BRCA1: variants seen among roughly 807,000 people sequenced by gnomAD.
The protein encoded by BRCA1 is breast cancer type 1 susceptibility protein.
Under a neutral mutation model 173.7 loss-of-function variants are expected in BRCA1, and 140 were observed. The ratio of observed to expected loss-of-function variants is 0.81; its 90% confidence interval spans 0.70 to 0.93. The LOEUF is 0.93. BRCA1 is among the 40% of genes least tolerant of loss of function. The pLI is 0.00. For synonymous variants in BRCA1, 662 were observed against 756.0 expected (o/e 0.88, Z 2.04); for missense variants, 1,983 against 2,172.5 (o/e 0.91, Z 1.73).
chr17:43,157,921 A>G (rs1280405425), intron 1 of BRCA1, among the ~76,000 whole-genome samples: 1 of 151,378 alleles, frequency 6.6e-6, no homozygotes, highest in Non-Finnish European at 1.5e-5. Context: ...ACTTGAACCC[A>G]AGAGGTGGAG....
upstream of BRCA1, among the ~76,000 whole-genome samples, chr17:43,127,297 C>T (rs1411210741): frequency 6.6e-6 from 1 of 152,226 alleles, no homozygotes; most frequent in Non-Finnish European, 1.5e-5. Context: ...TTATGTCTAG[C>T]CTGAGGATTT....
intron 2 of BRCA1, among the ~76,000 whole-genome samples, chr17:43,123,417 A>G (rs1249459357): frequency 7.9e-6 from 1 of 126,398 alleles, no homozygotes; most frequent in Non-Finnish European, 1.5e-5. Context: ...GTGGTGCCAT[A>G]TTGGCTCACA....
chr17:43,091,157 C>T (rs2053454650), intron 10 of BRCA1, 125 bp from the exon 11 acceptor site: 1 of 1,055,076 alleles, frequency 9.5e-7, no homozygotes. Context: ...GATTAAATTC[C>T]TTGCTTTGGG....
chr17:43,138,848 C>T (rs1187848500), intron 1 of BRCA1: 1 of 778,874 alleles, frequency 1.3e-6, no homozygotes, highest in Non-Finnish European at 2.4e-6. Flanking sequence ...AGCCTGGGGA[C>T]CGTGGGGCTG....
In BRCA1 at chr17:43,144,995, A is replaced by G. The variant is rs1379825712; in HGVS notation, c.-19-20880T>C. Reference sequence around the variant, plus strand: ...GGTCAGCTCCACCGAAGGGGCTGCCATGGAAGAGCCCAAGAGGAGATCAGC... The same window carrying G: ...GGTCAGCTCCACCGAAGGGGCTGCCGTGGAAGAGCCCAAGAGGAGATCAGC... On this transcript the variant is annotated intron_variant, in intron 1 of 7. Transcript: ENST00000634433. The G allele has an allele frequency of 6.0e-6, 4 of 663,700 alleles. No individual in the cohort carries two copies. The East Asian group carries it at 1.4e-4, about 23-fold the overall frequency. The allele number at this position is 663,700 out of a possible 1,614,324, so 41.1% of individuals were successfully genotyped here. A position where few individuals can be genotyped will look rare whatever the true frequency, so the allele number is the denominator to read the frequency against.
At chr17:43,087,330 A>G (rs933876374) in intron 11 of BRCA1, among the ~76,000 whole-genome samples, 14 of 152,206 alleles carry the variant, frequency 9.2e-5, no homozygotes, top group Non-Finnish European at 1.6e-4. Flanking sequence ...GGAAAGATAG[A>G]ATCCCATATA....
chr17:43,088,771 C>T (rs1006554072), intron 11 of BRCA1, among the ~76,000 whole-genome samples: 7 of 152,106 alleles, frequency 4.6e-5, no homozygotes, highest in Admixed American at 3.3e-4. Flanking sequence ...AATGTGCCTA[C>T]GGCAGGTCAG....
At chr17:43,067,346 C>A (rs1209967885) in intron 16 of BRCA1, 1 of 369,366 alleles carries the variant, frequency 2.7e-6, no homozygotes, top group African/African-American at 2.1e-5. Context: ...CCTCCATCTC[C>A]CCGGTTCAAG....
At position 43,092,777 on chromosome 17, in the gene BRCA1, C is replaced by T. The variant is rs398122668; in HGVS notation, c.2754G>A (p.Lys918=). ...CAGTGATATTAACTGTCTGTACAGGCTTGATATTAGACTCATTCTTTCCTT... is the reference window on the plus strand; with the variant it reads ...CAGTGATATTAACTGTCTGTACAGGTTTGATATTAGACTCATTCTTTCCTT... ...ENQGKNESNI[K]PVQTVNITAG... The change falls in exon 10 of 23, where the codon AAG becomes AAA. Residue 918 remains lysine, a synonymous_variant. Transcript: ENST00000357654. The T allele has an allele frequency of 6.2e-7, 1 of 1,614,028 alleles. No homozygotes were observed. Among genetic ancestry groups the T allele is most frequent in the Non-Finnish European group, 8.5e-7 (1 of 1,179,974 alleles).
intron 9 of BRCA1, 31 bp downstream of exon 9, chr17:43,095,815 T>C: frequency 6.4e-7 from 1 of 1,559,036 alleles, no homozygotes; most frequent in Non-Finnish European, 8.8e-7. Flanking sequence ...CTCTTTTCAG[T>C]GCCTGTTAAG....
At chr17:43,116,571 T>A (rs2055304661) in intron 2 of BRCA1, among the ~76,000 whole-genome samples, 1 of 152,232 alleles carries the variant, frequency 6.6e-6, no homozygotes, top group Admixed American at 6.5e-5. Context: ...CAGACTGGCA[T>A]GCAATGGTGC....
intron 1 of BRCA1, chr17:43,144,991 T>C (rs1330183619): frequency 1.5e-6 from 1 of 658,474 alleles, no homozygotes; most frequent in African/African-American, 1.8e-5. Context: ...CCGAAGGGGC[T>C]GCCATGGAAG....
rs56209245 is a variant in BRCA1, at chr17:43,124,195, ATAAAG to A, written c.-19-85_-19-81del. On this transcript the variant is annotated intron_variant, in intron 1 of 22. Coordinates refer to ENST00000357654, the MANE Select transcript of BRCA1 (RefSeq NM_007294.4). ...GACAACTTCATTTTATCATTTTAAA[ATAAAG>A]TAAATTTAAGATTTGGAAGGTTTTA... The A allele has an allele frequency of 1.0e-3, 893 of 862,800 alleles. 7 individuals are homozygous for A. The African/African-American group carries it at 0.014, about 13-fold the overall frequency. 53.4% of individuals were successfully genotyped at this position (862,800 alleles called of 1,614,324 possible).
Position 43,082,290 on chromosome 17 carries a change from TG to T in BRCA1, c.4357+113del. On this transcript the variant is annotated intron_variant, in intron 12 of 22. Coordinates refer to ENST00000357654, the MANE Select transcript of BRCA1 (RefSeq NM_007294.4). ...AGAACCAAGGCTCCATAATTACCCA[TG>T]TGCTGAGCAAGGATCATAAAATGTT... 3 of 1,163,842 alleles carry T rather than the reference TG, an allele frequency of 2.6e-6. No individual in the cohort carries two copies. The South Asian group carries it at 4.3e-5, about 17-fold the overall frequency. 72.1% of individuals were successfully genotyped at this position (1,163,842 alleles called of 1,614,324 possible).
intron 7 of BRCA1, among the ~76,000 whole-genome samples, chr17:43,099,075 G>A (rs1367484710): frequency 2.7e-5 from 4 of 149,826 alleles, no homozygotes; most frequent in East Asian, 4.0e-4. Flanking sequence ...CGCCCACCTC[G>A]GCCTCCCAAA....
At chr17:43,049,272 G>A (rs2051104743) in intron 20 of BRCA1, 78 bp from the exon 21 acceptor site, 1 of 1,309,090 alleles carries the variant, frequency 7.6e-7, no homozygotes, top group Non-Finnish European at 1.1e-6. Flanking sequence ...ACACTCTCCG[G>A]ATGAAGGCTT....
intron 1 of BRCA1, chr17:43,160,042 A>AT (rs1288122295): frequency 3.0e-3 from 419 of 137,668 alleles, no homozygotes; most frequent in African/African-American, 5.8e-3. Flanking sequence ...ACCATCCATG[A>AT]TTTTTTTTTT....
rs62625306 is a variant in BRCA1 at position 43,093,142 on chromosome 17, C to A, written c.2389G>T (p.Glu797Ter). ...EVSTLGKAKT[E>*]PNKCVSQCAA... is the part of the protein sequence containing the mutation. The stretch of plus-strand genomic sequence containing the variant: ...CACTGACTCACACATTTATTTGGTT[C>A]TGTTTTTGCCTTCCCTAGAGTGCTA... The change falls in exon 10 of 23, where the codon GAA becomes TAA. Residue 797 changes from glutamate to a stop codon, truncating the protein, a stop_gained. Coordinates refer to ENST00000357654, the MANE Select transcript of BRCA1 (RefSeq NM_007294.4). LOFTEE classifies it high-confidence loss of function. 1 of 1,613,538 alleles carries A rather than the reference C, an allele frequency of 6.2e-7. No homozygotes were observed. Among genetic ancestry groups the A allele is most frequent in the Non-Finnish European group, 8.5e-7 (1 of 1,179,842 alleles).
upstream of BRCA1, among the ~76,000 whole-genome samples, chr17:43,129,000 A>G (rs1597929489): frequency 6.6e-6 from 1 of 152,154 alleles, no homozygotes; most frequent in African/African-American, 2.4e-5. Context: ...TGGTGGAGAC[A>G]GTAACCAAAG....
Sources: allele counts gnomAD v4.1 joint callset (sites outside exome capture counted in the v4.1 genomes callset), GRCh38; gene constraint gnomAD v4.1.1; transcripts MANE v1.5; gene names NCBI Gene and HGNC (gene_info 2026-07-23, HGNC 2026-07-21).